The following ASAP2 variants were observed in gnomAD, a reference collection of about 807,000 sequenced individuals.
ASAP2 encodes ArfGAP with SH3 domain, ankyrin repeat and PH domain 2.
In ASAP2, 45 loss-of-function variants were observed where a neutral mutation model predicts 131.4. That is an observed-to-expected ratio of 0.34 (90% CI 0.27 to 0.44). The LOEUF is 0.44. Ranked by LOEUF, ASAP2 falls within the 20% of genes least tolerant of loss-of-function variation. The pLI is 1.00. For synonymous variants in ASAP2, 510 were observed against 503.0 expected, an observed-to-expected ratio of 1.01 and a Z score of -0.19; for missense variants, 1,011 against 1,297.0, an observed-to-expected ratio of 0.78 and a Z score of 3.39.
In ASAP2 at chr2:9,334,737, GT is replaced by G; in HGVS notation, c.693del (p.Gln232ArgfsTer35). 6.2e-7 allele frequency: 1 copy of G among 1,612,330 alleles called. No homozygotes were observed. The highest frequency in any genetic ancestry group is 8.5e-7 in the Non-Finnish European group (1 of 1,179,292). On this transcript the variant is annotated frameshift_variant and splice_region_variant, in exon 8 of 28. Transcript: ENST00000281419. LOFTEE classifies it high-confidence loss of function. ...NLIKYFHAQC[N>X]FFQDGLKAVE... ...TCTCTGTTTCTTCTTTTTCCTGCTA[GT>G]TTTTTTCAGGATGGACTCAAAGCCG...
At chr2:9,327,134 C>T (rs1205124907) in intron 6 of ASAP2, among the ~76,000 whole-genome samples, 3 of 145,830 alleles carry the variant, frequency 2.1e-5, no homozygotes, top group Non-Finnish European at 3.1e-5. Flanking sequence ...CCCTACCCCA[C>T]CCCCGCCCAT....
intron 15 of ASAP2, among the ~76,000 whole-genome samples, chr2:9,367,964 G>A (rs1198627118): frequency 6.6e-6 from 1 of 152,178 alleles, no homozygotes; most frequent in Non-Finnish European, 1.5e-5. Context: ...CTTGCCTGTG[G>A]TCACACAGCC....
intron 18 of ASAP2, among the ~76,000 whole-genome samples, chr2:9,378,005 A>C (rs140273873): frequency 6.6e-6 from 1 of 152,214 alleles, no homozygotes; most frequent in East Asian, 1.9e-4. Context: ...TTCAGGGGGC[A>C]GGAGAGGGAA....
intron 15 of ASAP2, among the ~76,000 whole-genome samples, chr2:9,363,614 T>A (rs980896124): frequency 3.3e-5 from 5 of 152,200 alleles, no homozygotes; most frequent in African/African-American, 1.2e-4. Flanking sequence ...GACAGGTTCT[T>A]GCTCTGTCGC....
chr2:9,277,856 C>G lies in ASAP2; in HGVS notation c.127-1461C>G, dbSNP rs1666857017. ...TGTCTGGTGCCTTGTGATCATTTTT[C>G]CATTTAAAATTGCCAGCACTAATCA... On this transcript the variant is annotated intron_variant, in intron 1 of 27. Transcript: ENST00000281419. 2.0e-5 allele frequency among the ~76,000 whole-genome samples: 3 copies of G among 152,178 alleles called. No homozygotes were observed. The South Asian group carries it at 6.2e-4, about 32-fold the overall frequency.
intron 1 of ASAP2, among the ~76,000 whole-genome samples, chr2:9,231,487 G>T (rs1036749209): frequency 7.9e-5 from 12 of 152,236 alleles, no homozygotes; most frequent in African/African-American, 2.9e-4. Flanking sequence ...TGAGATGCCA[G>T]TGAGCAGTCG....
At chr2:9,387,032 G>A (rs1241876442) in intron 21 of ASAP2, among the ~76,000 whole-genome samples, 13 of 147,100 alleles carry the variant, frequency 8.8e-5, no homozygotes, top group East Asian at 2.0e-4. Context: ...GTGAAACCCC[G>A]TCTCTACTAA....
At chr2:9,223,509 G>A (rs1662567073) in intron 1 of ASAP2, among the ~76,000 whole-genome samples, 1 of 152,128 alleles carries the variant, frequency 6.6e-6, no homozygotes, top group Non-Finnish European at 1.5e-5. Flanking sequence ...TGTAAATTAG[G>A]GAGTAACAGT....
intron 7 of ASAP2, 62 bp from the exon 8 acceptor site, chr2:9,334,672 ATCTG>A: frequency 6.8e-7 from 1 of 1,479,362 alleles, no homozygotes; most frequent in South Asian, 1.2e-5. Context: ...GAAGTTTTTA[ATCTG>A]TCTGACAAAA....
In ASAP2 at chr2:9,207,492, G is replaced by T. The variant is rs1224798797; in HGVS notation, c.126+262G>T. 2.6e-5 allele frequency among the ~76,000 whole-genome samples: 4 copies of T among 152,060 alleles called. No homozygotes were observed. The highest frequency in any genetic ancestry group is 3.9e-4 in the East Asian group (2 of 5,176). On this transcript the variant is annotated intron_variant, in intron 1 of 27. Coordinates refer to ENST00000281419, the MANE Select transcript of ASAP2 (RefSeq NM_003887.3). This position sits in a 1 kb window ranked among gnomAD's most constrained non-coding sequence, Gnocchi z 4.1. ...GGTTCCGCGGCCTGGTCTTTTCCCC[G>T]CAGCGCGGCCAACTTTGTCCAGAGT...
chr2:9,393,408 A>C, intron 23 of ASAP2, 74 bp from the exon 24 acceptor site: 7 of 1,311,826 alleles, frequency 5.3e-6, no homozygotes, highest in Non-Finnish European at 7.2e-6. Context: ...CTTCTCAGAA[A>C]AGCCTCCAGT....
chr2:9,259,526 G>A (rs1665427995), intron 1 of ASAP2, among the ~76,000 whole-genome samples: 1 of 152,212 alleles, frequency 6.6e-6, no homozygotes, highest in Non-Finnish European at 1.5e-5. Context: ...TCCCTGGTAG[G>A]TGGATGCTAT....
chr2:9,300,127 G>A (rs1668391971), intron 3 of ASAP2, among the ~76,000 whole-genome samples: 1 of 152,190 alleles, frequency 6.6e-6, no homozygotes, highest in African/African-American at 2.4e-5. Flanking sequence ...CTGCTACTCG[G>A]GAGGCTGAGG....
chr2:9,371,248 T>G (rs192231166), intron 16 of ASAP2, among the ~76,000 whole-genome samples: 1 of 152,346 alleles, frequency 6.6e-6, no homozygotes, highest in Non-Finnish European at 1.5e-5. Flanking sequence ...CTTCCATTCC[T>G]TCTCAACTGA....
intron 27 of ASAP2, among the ~76,000 whole-genome samples, chr2:9,401,764 T>C (rs772448441): frequency 6.6e-6 from 1 of 152,204 alleles, no homozygotes; most frequent in Non-Finnish European, 1.5e-5. Context: ...GCCCCAGGCC[T>C]GAGTCTGGTC....
chr2:9,364,603 C>T (rs367798419), intron 15 of ASAP2, among the ~76,000 whole-genome samples: 1 of 152,194 alleles, frequency 6.6e-6, no homozygotes, highest in African/African-American at 2.4e-5. Flanking sequence ...TATTTCTGTT[C>T]TCATACGGTT....
chr2:9,335,615 A>T (rs1671156011), intron 9 of ASAP2, among the ~76,000 whole-genome samples: 1 of 152,212 alleles, frequency 6.6e-6, no homozygotes, highest in South Asian at 2.1e-4. Context: ...TGTTCTATAA[A>T]ATATGAGGCA....
rs1394218824 is a variant in ASAP2 at position 9,207,369 on chromosome 2, AG to A, written c.126+140del. ...CCGGGCCAACCCTGCCCGAGACAGA[AG>A]CCCTTTGTTCCCGCCTAGGTGGCTC... On this transcript the variant is annotated intron_variant, in intron 1 of 27. Coordinates refer to ENST00000281419, the MANE Select transcript of ASAP2 (RefSeq NM_003887.3). This position sits in a 1 kb window ranked among gnomAD's most constrained non-coding sequence, Gnocchi z 4.1. 5 of 1,247,996 alleles carry A rather than the reference AG, an allele frequency of 4.0e-6. No homozygotes were observed. In the Admixed American group the frequency reaches 1.2e-4, roughly 31 times the overall value. The allele number at this position is 1,247,996 out of a possible 1,614,324, so 77.3% of individuals were successfully genotyped here.
At chr2:9,329,244 G>A (rs182752380) in intron 7 of ASAP2, among the ~76,000 whole-genome samples, 149 of 152,344 alleles carry the variant, frequency 9.8e-4, no homozygotes, top group African/African-American at 3.3e-3. Flanking sequence ...AAGCCTTAGG[G>A]ATGTGGATGG....
Sources: gnomAD v4.1 joint callset for allele counts (sites outside exome capture counted in the v4.1 genomes callset) on GRCh38, gnomAD v4.1.1 for gene constraint, Gnocchi (gnomAD v3.1) non-coding constraint, MANE v1.5 for transcripts, NCBI Gene and HGNC (gene_info 2026-07-23, HGNC 2026-07-21) for gene names.